The following PGM5 variants were observed in gnomAD, a reference collection of about 807,000 sequenced individuals.
The protein encoded by PGM5 is phosphoglucomutase 5, also known as phosphoglucomutase-like protein 5.
In PGM5, 23 loss-of-function variants were observed where a neutral mutation model predicts 59.2. The ratio of observed to expected loss-of-function variants is 0.39; its 90% CI spans 0.28 to 0.55. PGM5 has a LOEUF of 0.55. PGM5 is among the 20% of genes least tolerant of loss of function. PGM5 has a pLI of 0.66. For synonymous variants in PGM5, 214 were observed against 286.0 expected, an observed-to-expected ratio of 0.75 and a Z score of 2.54; for missense variants, 574 against 748.3, an observed-to-expected ratio of 0.77 and a Z score of 2.72.
intron 6 of PGM5, 152 bp from the exon 7 acceptor site, chr9:68,464,941 T>C (rs953449955): frequency 7.9e-6 from 4 of 507,166 alleles, no homozygotes; most frequent in South Asian, 2.9e-5. Flanking sequence ...TTCTAACTTA[T>C]GGCTTGATAT....
intron 7 of PGM5, among the ~76,000 whole-genome samples, chr9:68,472,425 C>T (rs536476873): frequency 3.5e-5 from 5 of 142,014 alleles, no homozygotes; most frequent in South Asian, 2.5e-4. Context: ...CTCATGTAAA[C>T]AGCATGGCAT....
rs146734814 is a variant in PGM5 at position 68,509,930 on chromosome 9, C to A, written c.1614+10569C>A. Reference sequence around the variant, plus strand: ...TGCTGTCTCTAAGAATTAGCTAACCCTGGGAAGAACAAAACCTTCCAGAGT... The same window carrying A: ...TGCTGTCTCTAAGAATTAGCTAACCATGGGAAGAACAAAACCTTCCAGAGT... On this transcript the variant is annotated intron_variant, in intron 10 of 10. Coordinates refer to ENST00000396396, the MANE Select transcript of PGM5 (RefSeq NM_021965.4). Among the ~76,000 whole-genome samples, 412 of 152,150 alleles carry A rather than the reference C, an allele frequency of 2.7e-3. 3 individuals are homozygous for A. The highest frequency in any genetic ancestry group is 9.4e-3 in the African/African-American group (391 of 41,502).
chr9:68,359,351 G>A (rs1161415838), intron 1 of PGM5, among the ~76,000 whole-genome samples: 3 of 152,220 alleles, frequency 2.0e-5, no homozygotes, highest in Admixed American at 6.5e-5. Context: ...CCACATAGAA[G>A]CATCGACTCT....
At chr9:68,469,499 G>A (rs936241321) in intron 7 of PGM5, among the ~76,000 whole-genome samples, 3 of 152,190 alleles carry the variant, frequency 2.0e-5, no homozygotes, top group African/African-American at 4.8e-5. Context: ...TGTGAACTCT[G>A]AAGTACAGCC....
At chr9:68,446,142 C>T (rs1554683996) in intron 6 of PGM5, among the ~76,000 whole-genome samples, 1 of 152,028 alleles carries the variant, frequency 6.6e-6, no homozygotes, top group Non-Finnish European at 1.5e-5. Context: ...GAGGCCTGAC[C>T]AAATGAAAGT....
At chr9:68,452,788 G>A (rs1253823664) in intron 6 of PGM5, among the ~76,000 whole-genome samples, 1 of 152,210 alleles carries the variant, frequency 6.6e-6, no homozygotes, top group Non-Finnish European at 1.5e-5. Context: ...TCCCTGCTGA[G>A]TTCAGAGCTT....
At chr9:68,500,032 T>G (rs1321296162) in intron 10 of PGM5, among the ~76,000 whole-genome samples, 1 of 152,196 alleles carries the variant, frequency 6.6e-6, no homozygotes, top group African/African-American at 2.4e-5. Context: ...TAATGTTGGG[T>G]ACTTCAAGCT....
At chr9:68,389,617 G>A (rs552864637) in intron 4 of PGM5, among the ~76,000 whole-genome samples, 5 of 152,052 alleles carry the variant, frequency 3.3e-5, no homozygotes, top group East Asian at 1.9e-4. Context: ...TTGTGTTGTC[G>A]ATATACCACA....
chr9:68,460,108 C>A (rs1307588423), intron 6 of PGM5, among the ~76,000 whole-genome samples: 3 of 152,136 alleles, frequency 2.0e-5, no homozygotes, highest in African/African-American at 4.8e-5. Context: ...TCTATCACAA[C>A]TTTCTTGAAG....
At chr9:68,527,459 G>C (rs185039995) in intron 10 of PGM5, among the ~76,000 whole-genome samples, 121 of 152,288 alleles carry the variant, frequency 7.9e-4, no homozygotes, top group African/African-American at 2.6e-3. Flanking sequence ...AGGAAAGAGG[G>C]AAGAGAAGAC....
At chr9:68,440,506 G>A (rs1019915551) in intron 6 of PGM5, among the ~76,000 whole-genome samples, 3 of 151,932 alleles carry the variant, frequency 2.0e-5, no homozygotes, top group Non-Finnish European at 2.9e-5. Context: ...AAGTTTCAAG[G>A]GTTATTGTAG....
chr9:68,419,603 G>A (rs1323343294), intron 6 of PGM5, among the ~76,000 whole-genome samples: 2 of 152,226 alleles, frequency 1.3e-5, no homozygotes, highest in African/African-American at 4.8e-5. Context: ...CAATTCCTCT[G>A]CTGATCCTCT....
At chr9:68,519,987 G>A (rs957868192) in intron 10 of PGM5, among the ~76,000 whole-genome samples, 18 of 151,226 alleles carry the variant, frequency 1.2e-4, no homozygotes, top group African/African-American at 4.4e-4. Flanking sequence ...CTAATTGGGA[G>A]GCTGAGGTGA....
At chr9:68,523,088 A>G (rs918453745) in intron 10 of PGM5, among the ~76,000 whole-genome samples, 1 of 152,180 alleles carries the variant, frequency 6.6e-6, no homozygotes, top group Non-Finnish European at 1.5e-5. Context: ...CTGCTAGGCT[A>G]GGTGAAGTTT....
intron 6 of PGM5, among the ~76,000 whole-genome samples, chr9:68,404,315 G>A (rs1170168308): frequency 1.3e-5 from 2 of 152,090 alleles, no homozygotes; most frequent in Non-Finnish European, 2.9e-5. Context: ...TTTTACTAGA[G>A]ACAGGGTTTT....
chr9:68,432,047 G>T (rs1823359454), intron 6 of PGM5, among the ~76,000 whole-genome samples: 1 of 151,784 alleles, frequency 6.6e-6, no homozygotes, highest in South Asian at 2.1e-4. Context: ...AATTCTTGTG[G>T]GGTTCTTTTT....
At chr9:68,422,995 T>A (rs1305976079) in intron 6 of PGM5, among the ~76,000 whole-genome samples, 1 of 152,248 alleles carries the variant, frequency 6.6e-6, no homozygotes, top group Non-Finnish European at 1.5e-5. Flanking sequence ...CATTCCTGAA[T>A]TACTTCACTT....
At chr9:68,449,648 C>T (rs968712557) in intron 6 of PGM5, among the ~76,000 whole-genome samples, 1 of 152,126 alleles carries the variant, frequency 6.6e-6, no homozygotes, top group Non-Finnish European at 1.5e-5. Context: ...CCTATGAGCA[C>T]GTGAAGGCTT....
intron 10 of PGM5, among the ~76,000 whole-genome samples, chr9:68,513,248 AG>A (rs1217078335): frequency 6.6e-6 from 1 of 152,248 alleles, no homozygotes; most frequent in African/African-American, 2.4e-5. Context: ...CTCCAGCATG[AG>A]GCTTCTGAGG....
Sources: gnomAD v4.1 joint callset for allele counts (sites outside exome capture counted in the v4.1 genomes callset) on GRCh38, gnomAD v4.1.1 for gene constraint, MANE v1.5 for transcripts, NCBI Gene and HGNC (gene_info 2026-07-23, HGNC 2026-07-21) for gene names.